MICAL2: variants seen among roughly 807,000 people sequenced by gnomAD.
MICAL2 encodes the protein microtubule associated monooxygenase, calponin and LIM domain containing 2.
In MICAL2, 77 loss-of-function variants were observed where a neutral mutation model predicts 127.3. The ratio of observed to expected loss-of-function variants is 0.60; its 90% confidence interval spans 0.50 to 0.73. MICAL2 has a LOEUF of 0.73. MICAL2 is among the 30% of genes least tolerant of loss of function. The pLI is 0.00. For synonymous variants in MICAL2, 570 were observed against 551.1 expected, an observed-to-expected ratio of 1.03 and a Z score of -0.48; for missense variants, 1,351 against 1,434.4, an observed-to-expected ratio of 0.94 and a Z score of 0.94.
chr11:12,238,118 G>T (rs2134438432), intron 16 of MICAL2, among the ~76,000 whole-genome samples: 1 of 152,278 alleles, frequency 6.6e-6, no homozygotes, highest in African/African-American at 2.4e-5. Context: ...ATTAACTATA[G>T]CTTGCCTTTT....
At chr11:12,149,584 G>C (rs1056886021) in intron 2 of MICAL2, among the ~76,000 whole-genome samples, 10 of 152,120 alleles carry the variant, frequency 6.6e-5, no homozygotes, top group Non-Finnish European at 1.3e-4. Flanking sequence ...TGAAGAGGCA[G>C]GACTTGGTGA....
chr11:12,148,043 C>G (rs1182734726), intron 2 of MICAL2, among the ~76,000 whole-genome samples: 7 of 152,118 alleles, frequency 4.6e-5, no homozygotes, highest in Non-Finnish European at 1.0e-4. Context: ...CCAGCCCATC[C>G]CTTAAGATCC....
At chr11:12,135,607 G>T (rs775153208) in intron 1 of MICAL2, among the ~76,000 whole-genome samples, 8 of 152,186 alleles carry the variant, frequency 5.3e-5, no homozygotes, top group Non-Finnish European at 1.0e-4. Context: ...AGAAATTGAG[G>T]CTCACAGAGA....
At chr11:12,361,711 G>A (rs1301236854), downstream of MICAL2, among the ~76,000 whole-genome samples, 1 of 152,172 alleles carries the variant, frequency 6.6e-6, no homozygotes, top group Non-Finnish European at 1.5e-5. Context: ...TGAAATTGAT[G>A]TTTTCTGCAT....
intron 15 of MICAL2, 65 bp from the exon 16 acceptor site, chr11:12,236,112 G>A: frequency 1.4e-6 from 2 of 1,406,296 alleles, no homozygotes; most frequent in Non-Finnish European, 1.0e-6. Context: ...TGCCCTCAGG[G>A]ATCTTAGTGG....
At chr11:12,335,088 A>G (rs1938724468) in intron 32 of MICAL2, among the ~76,000 whole-genome samples, 1 of 150,488 alleles carries the variant, frequency 6.6e-6, no homozygotes, top group South Asian at 2.1e-4. Context: ...AAGTGTTCCT[A>G]TTTCTCCACA....
downstream of MICAL2, among the ~76,000 whole-genome samples, chr11:12,292,704 C>T (rs1321128810): frequency 6.6e-6 from 1 of 152,168 alleles, no homozygotes; most frequent in Non-Finnish European, 1.5e-5. Flanking sequence ...CAACATCTCC[C>T]TTGAATATAA....
At chr11:12,330,896 AGAGAGTGT>A (rs1185788021) in intron 32 of MICAL2, among the ~76,000 whole-genome samples, 11 of 116,758 alleles carry the variant, frequency 9.4e-5, no homozygotes, top group African/African-American at 1.7e-4. Context: ...AGAGAGAGAG[AGAGAGTGT>A]GTGTGTGTGT....
At chr11:12,202,883 A>C (rs1451370615) in intron 3 of MICAL2, among the ~76,000 whole-genome samples, 1 of 152,198 alleles carries the variant, frequency 6.6e-6, no homozygotes, top group Non-Finnish European at 1.5e-5. Flanking sequence ...ACCATTATCT[A>C]ATTCCAGAAC....
rs183500256 is a variant in MICAL2 at position 12,242,552 on chromosome 11, C to T, written c.2557-119C>T. 1,788 of 1,430,026 alleles carry T rather than the reference C, an allele frequency of 1.3e-3. 19 individuals are homozygous for T. The African/African-American group carries it at 0.022, about 17-fold the overall frequency. The allele number at this position is 1,430,026 out of a possible 1,614,324, so 88.6% of individuals were successfully genotyped here. A position where few individuals can be genotyped will look rare whatever the true frequency, so the allele number is the denominator to read the frequency against. On this transcript the variant is annotated intron_variant, in intron 19 of 27. Coordinates refer to ENST00000683283, the MANE Select transcript of MICAL2 (RefSeq NM_001282663.2). ...TGCCCACCCCCTGTCTCTCATCCTG[C>T]TGTGTGTGGTGAGCAGGCAAGGCCC...
intron 3 of MICAL2, among the ~76,000 whole-genome samples, chr11:12,168,423 C>T (rs533648003): frequency 1.3e-5 from 2 of 150,854 alleles, no homozygotes; most frequent in African/African-American, 2.4e-5. Context: ...ATACCCCCCA[C>T]ACACCATATA....
At chr11:12,274,746 C>A (rs756348938), upstream of MICAL2, 1 of 152,180 alleles carries the variant, frequency 6.6e-6, no homozygotes. Context: ...GGTCACGGGA[C>A]GCACTGGGGA....
At chr11:12,348,137 G>C (rs576780185) in intron 32 of MICAL2, among the ~76,000 whole-genome samples, 27 of 109,312 alleles carry the variant, frequency 2.5e-4, no homozygotes, top group Non-Finnish European at 3.9e-4. Flanking sequence ...TTGGGCAACA[G>C]AGAAAGACTC....
At chr11:12,322,543 C>G (rs1864310258) in intron 30 of MICAL2, among the ~76,000 whole-genome samples, 1 of 152,172 alleles carries the variant, frequency 6.6e-6, no homozygotes, top group African/African-American at 2.4e-5. Context: ...AGGCACCAAG[C>G]TAGCTACGAC....
At chr11:12,223,903 C>A (rs7103040) in intron 12 of MICAL2, among the ~76,000 whole-genome samples, 47,954 of 151,962 alleles carry the variant, frequency 0.32, 8,550 homozygotes, top group East Asian at 0.62. Flanking sequence ...GACACAGGAC[C>A]AGTGCTCAAC....
intron 3 of MICAL2, among the ~76,000 whole-genome samples, chr11:12,198,154 C>A (rs1047879899): frequency 1.3e-5 from 2 of 152,052 alleles, no homozygotes; most frequent in African/African-American, 4.8e-5. Flanking sequence ...GAGCATGTAC[C>A]CTGGAATCAG....
chr11:12,326,709 T>C (rs1167885273), intron 31 of MICAL2, among the ~76,000 whole-genome samples: 1 of 152,210 alleles, frequency 6.6e-6, no homozygotes, highest in Non-Finnish European at 1.5e-5. Flanking sequence ...GTTCTCTTGC[T>C]CCAGACTGAC....
At chr11:12,231,470 T>G (rs1858260088) in intron 15 of MICAL2, among the ~76,000 whole-genome samples, 1 of 152,236 alleles carries the variant, frequency 6.6e-6, no homozygotes, top group Non-Finnish European at 1.5e-5. Flanking sequence ...CTGAGCCACC[T>G]GCACACTTTC....
At chr11:12,322,855 T>A (rs1864314568) in intron 30 of MICAL2, among the ~76,000 whole-genome samples, 1 of 152,210 alleles carries the variant, frequency 6.6e-6, no homozygotes, top group Non-Finnish European at 1.5e-5. Flanking sequence ...TGAGTGTTCT[T>A]CCCATGTCTT....
Sources: allele counts gnomAD v4.1 joint callset (sites outside exome capture counted in the v4.1 genomes callset), GRCh38; gene constraint gnomAD v4.1.1; transcripts MANE v1.5; gene names NCBI Gene and HGNC (gene_info 2026-07-23, HGNC 2026-07-21).